PLCB3: variants seen among roughly 807,000 people sequenced by gnomAD.
The protein encoded by PLCB3 is 1-phosphatidylinositol 4,5-bisphosphate phosphodiesterase beta-3.
Under a neutral mutation model 152.1 loss-of-function variants are expected in PLCB3, and 54 were observed. That is an observed-to-expected ratio of 0.36 (90% CI 0.29 to 0.45). The LOEUF (loss-of-function observed/expected upper bound fraction) is 0.45, where lower values mean the gene tolerates loss of function less well. Ranked by LOEUF, PLCB3 falls within the 20% of genes least tolerant of loss-of-function variation. PLCB3 has a pLI of 1.00. For synonymous variants in PLCB3, 717 were observed against 698.7 expected (o/e 1.03, Z -0.41); for missense variants, 1,248 against 1,687.5 (o/e 0.74, Z 4.56).
At chr11:64,264,316 T>C (rs113514188) in intron 22 of PLCB3, among the ~76,000 whole-genome samples, 122 of 152,292 alleles carry the variant, frequency 8.0e-4, no homozygotes, top group Non-Finnish European at 1.2e-3. Context: ...TCCAGCTCCA[T>C]GTAGGCTTGG....
At chr11:64,256,107 C>T (rs1466545202) in intron 8 of PLCB3, among the ~76,000 whole-genome samples, 4 of 152,228 alleles carry the variant, frequency 2.6e-5, no homozygotes, top group East Asian at 1.9e-4. Context: ...GGTCTGGAAG[C>T]GAGGGGTGGT....
At chr11:64,259,355 T>C (rs2031724001) in intron 13 of PLCB3, 111 bp downstream of exon 13, 7 of 944,884 alleles carry the variant, frequency 7.4e-6, no homozygotes, top group Non-Finnish European at 1.1e-5. Flanking sequence ...TGCCTCGCTG[T>C]GCGCCTGTTC....
At chr11:64,264,799 A>T in intron 22 of PLCB3, 152 bp from the exon 23 acceptor site, 2 of 684,622 alleles carry the variant, frequency 2.9e-6, no homozygotes, top group East Asian at 2.6e-5. Flanking sequence ...AGCTCTTCTC[A>T]TGCAGACAGC....
rs1483577905 is a variant in PLCB3, at chr11:64,258,237, C to G, written c.1013-236C>G. On this transcript the variant is annotated intron_variant, in intron 10 of 30. Coordinates refer to ENST00000279230, the MANE Select transcript of PLCB3 (RefSeq NM_000932.5). The surrounding 1 kb of genome is among the most constrained non-coding windows in gnomAD (Gnocchi z 7.2). The stretch of plus-strand genomic sequence containing the variant: ...GGAGGTGGTGTGAGCTGTGCCAGGG[C>G]TGAGGTGGGTGGAGGGAGTGAGGAG... Among the ~76,000 whole-genome samples the G allele has an allele frequency of 2.6e-5, 4 of 151,458 alleles. No homozygotes were observed. Among genetic ancestry groups the G allele is most frequent in the African/African-American group, 9.7e-5 (4 of 41,170 alleles).
Position 64,256,619 on chromosome 11 carries a change from C to T in PLCB3, c.867C>T (p.Asp289=). ...CCTGCTGATCCTCTCCCACCCCAGA[C>T]CAGATGTCCATGGAGGGCTTTAGCC... ...YEPNQQFLER[D]QMSMEGFSRY... Residue 289 remains aspartate, a splice_region_variant and synonymous_variant, in exon 10 of 31, where the codon GAC becomes GAT. Coordinates refer to ENST00000279230, the MANE Select transcript of PLCB3 (RefSeq NM_000932.5). 6.2e-7 allele frequency: 1 copy of T among 1,614,114 alleles called. No homozygotes were observed. The highest frequency in any genetic ancestry group is 1.1e-5 in the South Asian group (1 of 91,084).
Position 64,260,243 on chromosome 11 carries a change from CA to C in PLCB3, c.1731+10del. On this transcript the variant is annotated intron_variant, in intron 14 of 30. Coordinates refer to ENST00000279230, the MANE Select transcript of PLCB3 (RefSeq NM_000932.5). ...AGCCAACTACAGATGAGGTCAGGCC[CA>C]CAGGGTGGGCAGGTCGGGGAGGTAG... is the stretch of plus-strand genomic sequence containing the variant. 1.3e-6 allele frequency: 2 copies of C among 1,549,666 alleles called. No homozygotes were observed. The highest frequency in any genetic ancestry group is 1.7e-6 in the Non-Finnish European group (2 of 1,146,478).
In PLCB3 at chr11:64,255,303, C is replaced by T. The variant is rs767383818; in HGVS notation, c.457C>T (p.Leu153=). ...LAQNASRNTF[L]RKAYTKLKLQ... is the part of the protein sequence containing the mutation. Reference sequence around the variant, plus strand: ...TCAGAACGCCTCCCGGAACACCTTCCTGCGCAAAGCGTGAGCCCCAGGCCA... The same window carrying T: ...TCAGAACGCCTCCCGGAACACCTTCTTGCGCAAAGCGTGAGCCCCAGGCCA... The change falls in exon 5 of 31, where the codon CTG becomes TTG. Residue 153 remains leucine (L), a synonymous_variant. Transcript: ENST00000279230. This position sits in a 1 kb window ranked among gnomAD's most constrained non-coding sequence, Gnocchi z 6.8. 2 of 1,613,968 alleles carry T rather than the reference C, an allele frequency of 1.2e-6. No homozygotes were observed. Among genetic ancestry groups the T allele is most frequent in the African/African-American group, 2.7e-5 (2 of 75,058 alleles).
At chr11:64,256,595 CT>C (rs756479239) in intron 9 of PLCB3, 22 bp from the exon 10 acceptor site, 1 of 1,613,688 alleles carries the variant, frequency 6.2e-7, no homozygotes, top group Non-Finnish European at 8.5e-7. Context: ...CCAGCTGACC[CT>C]GCTGATCCTC....
rs143887717 is a variant in PLCB3 at position 64,255,441 on chromosome 11, C to T, written c.513C>T (p.Pro171=). 2,829 of 1,614,130 alleles carry T rather than the reference C, an allele frequency of 1.8e-3. 42 individuals are homozygous for T. The South Asian group carries it at 0.024, about 13-fold the overall frequency. The change falls in exon 6 of 31, where the codon CCC becomes CCT. Residue 171 remains proline, a synonymous_variant. Coordinates refer to ENST00000279230, the MANE Select transcript of PLCB3 (RefSeq NM_000932.5). This position sits in a 1 kb window ranked among gnomAD's most constrained non-coding sequence, Gnocchi z 6.8. ...AGGTGAACCAGGATGGTCGGATCCC[C>T]GTCAAGAAGTGAGCACCCCTTCCCC... ...KLQVNQDGRI[P]VKNILKMFSA...
chr11:64,260,563 G>A (rs544935563), intron 14 of PLCB3, among the ~76,000 whole-genome samples: 4 of 152,026 alleles, frequency 2.6e-5, no homozygotes, highest in East Asian at 1.9e-4. Context: ...GTGCAGGAGC[G>A]GGGAGCATTG....
rs772576350 is a variant in PLCB3 at position 64,255,222 on chromosome 11, C to T, written c.388-12C>T. The T allele has an allele frequency of 1.2e-6, 2 of 1,610,014 alleles. No individual in the cohort carries two copies. Among genetic ancestry groups the T allele is most frequent in the African/African-American group, 1.3e-5 (1 of 74,960 alleles). ...CCCACTCACCGCCTCCCCGTGTATA[C>T]TGGCCCCCCAGGTCTGGTCTGAGGA... On this transcript the variant is annotated splice_polypyrimidine_tract_variant and intron_variant, in intron 4 of 30. Coordinates refer to ENST00000279230, the MANE Select transcript of PLCB3 (RefSeq NM_000932.5). The surrounding 1 kb of genome is among the most constrained non-coding windows in gnomAD (Gnocchi z 6.8).
intron 1 of PLCB3, among the ~76,000 whole-genome samples, chr11:64,253,439 G>A (rs752643510): frequency 6.6e-6 from 1 of 152,346 alleles, no homozygotes; most frequent in East Asian, 1.9e-4. Context: ...TACCTGGTGC[G>A]CAGTAGGGGC....
chr11:64,256,571 G>T (rs904810272), intron 9 of PLCB3, 29 bp downstream of exon 9: 3 of 1,613,116 alleles, frequency 1.9e-6, no homozygotes, highest in Admixed American at 3.3e-5. Flanking sequence ...AGGTGGGTGG[G>T]GGCAGGTGGG....
chr11:64,265,799 C>A, intron 25 of PLCB3, 87 bp from the exon 26 acceptor site: 1 of 1,493,072 alleles, frequency 6.7e-7, no homozygotes. Context: ...TCTGCCATCG[C>A]TTGCCAGGAT....
chr11:64,266,514 C>T lies in PLCB3; in HGVS notation c.3376C>T (p.Arg1126Cys), dbSNP rs201342752. ...GTGCAGGGAACTGACGGAGATTAAC[C>T]GTCGGCACATCACTGAGTCAGTCAA... ...KKEAELTEINRRHITESVNSI... is the reference protein window; with the variant it reads ...KKEAELTEINCRHITESVNSI... Residue 1126 changes from arginine (R) to cysteine (C), a missense_variant, in exon 29 of 31, where the codon CGT becomes TGT. Around this residue, in one of 6 missense-constraint regions of PLCB3, gnomAD observed 477 missense variants for 489.6 expected, o/e 0.97. Transcript: ENST00000279230. This position sits in a 1 kb window ranked among gnomAD's most constrained non-coding sequence, Gnocchi z 4.9. 7.7e-5 allele frequency: 124 copies of T among 1,613,826 alleles called. 3 individuals carry two copies. Among genetic ancestry groups the T allele is most frequent in the African/African-American group, 1.3e-5 (1 of 74,960 alleles).
chr11:64,261,261 G>T, intron 14 of PLCB3, 139 bp from the exon 15 acceptor site: 1 of 698,750 alleles, frequency 1.4e-6, no homozygotes, highest in East Asian at 2.7e-5. Flanking sequence ...GTGAGACCCC[G>T]GGGAGAAGAC....
chr11:64,262,319 T>C, intron 17 of PLCB3, 88 bp from the exon 18 acceptor site: 1 of 1,508,240 alleles, frequency 6.6e-7, no homozygotes. Flanking sequence ...GGACCTTGGA[T>C]GCCATCTGAC....
rs2031646990 is a variant in PLCB3 at position 64,258,291 on chromosome 11, C to CTA, written c.1013-179_1013-178dup. On this transcript the variant is annotated intron_variant, in intron 10 of 30. Transcript: ENST00000279230. The surrounding 1 kb of genome is among the most constrained non-coding windows in gnomAD (Gnocchi z 7.2). ...GAGGGATTGTTGAGGCAGTGGGGAGCTATAGTGAGTCTCAGGGATGACTCC... is the reference window on the plus strand; with the variant it reads ...GAGGGATTGTTGAGGCAGTGGGGAGCTATATAGTGAGTCTCAGGGATGACTCC... Among the ~76,000 whole-genome samples the CTA allele has an allele frequency of 6.6e-6, 1 of 152,000 alleles. No homozygotes were observed. The highest frequency in any genetic ancestry group is 6.6e-5 in the Admixed American group (1 of 15,264).
chr11:64,258,449 G>A lies in PLCB3; in HGVS notation c.1013-24G>A, dbSNP rs750163336. The A allele has an allele frequency of 5.2e-5, 84 of 1,607,172 alleles. No individual in the cohort carries two copies. Among genetic ancestry groups the A allele is most frequent in the Middle Eastern group, 1.7e-4 (1 of 6,006 alleles). ...AGGAGCTGGGCTGGTGGGCGGCCTCGGTGACAGAGCCTCGCCGCCCCAGCG... is the reference window on the plus strand; with the variant it reads ...AGGAGCTGGGCTGGTGGGCGGCCTCAGTGACAGAGCCTCGCCGCCCCAGCG... On this transcript the variant is annotated intron_variant, in intron 10 of 30. Coordinates refer to ENST00000279230, the MANE Select transcript of PLCB3 (RefSeq NM_000932.5). This position sits in a 1 kb window ranked among gnomAD's most constrained non-coding sequence, Gnocchi z 7.2.
Sources: gnomAD v4.1 joint callset for allele counts (sites outside exome capture counted in the v4.1 genomes callset) on GRCh38, gnomAD v4.1.1 for gene constraint, gnomAD v4.1.1 regional missense constraint, Gnocchi (gnomAD v3.1) non-coding constraint, MANE v1.5 for transcripts, NCBI Gene and HGNC (gene_info 2026-07-23, HGNC 2026-07-21) for gene names.